Variants in MYCBP2 observed in about 807,000 individuals in gnomAD.
MYCBP2 encodes MYC binding protein 2, also known as E3 ubiquitin-protein ligase MYCBP2.
In MYCBP2, 120 loss-of-function variants were observed where a neutral mutation model predicts 525.3. That is an observed-to-expected ratio of 0.23 (90% CI 0.20 to 0.27). MYCBP2 has a LOEUF of 0.27. MYCBP2 is among the 10% of genes least tolerant of loss of function. The probability of loss-of-function intolerance (pLI) is 1.00; values close to 1 mark genes in which losing one functional copy is unlikely to be tolerated. For missense variants in MYCBP2, 4,149 were observed against 5,657.1 expected, an observed-to-expected ratio of 0.73 and a Z score of 8.55; for synonymous variants, 1,894 against 1,955.8, an observed-to-expected ratio of 0.97 and a Z score of 0.83.
chr13:77,192,657 A>G (rs551874313), intron 27 of MYCBP2, among the ~76,000 whole-genome samples: 2 of 152,332 alleles, frequency 1.3e-5, no homozygotes, highest in South Asian at 4.1e-4. Flanking sequence ...ATGCATTAAG[A>G]CAGCTGTAGA....
intron 3 of MYCBP2, among the ~76,000 whole-genome samples, chr13:77,287,267 C>A (rs1196908814): frequency 6.7e-6 from 1 of 149,188 alleles, no homozygotes; most frequent in African/African-American, 2.5e-5. Flanking sequence ...CTCACTGCAA[C>A]CTCCGCCTCC....
chr13:77,236,868 A>G (rs2068005861), intron 17 of MYCBP2, among the ~76,000 whole-genome samples: 1 of 152,106 alleles, frequency 6.6e-6, no homozygotes, highest in Non-Finnish European at 1.5e-5. Flanking sequence ...TCCTGCCTCT[A>G]CAAAAAATAA....
At chr13:77,295,160 G>C (rs1352759575) in intron 2 of MYCBP2, among the ~76,000 whole-genome samples, 2 of 152,110 alleles carry the variant, frequency 1.3e-5, no homozygotes. Context: ...TTTTGAGACG[G>C]AGTCTTACTC....
chr13:77,326,325 C>T lies in MYCBP2; in HGVS notation c.302+149G>A. 1.4e-6 allele frequency: 1 copy of T among 737,468 alleles called. No homozygotes were observed. Among genetic ancestry groups the T allele is most frequent in the East Asian group, 3.3e-5 (1 of 30,516 alleles). 45.7% of individuals were successfully genotyped at this position (737,468 alleles called of 1,614,324 possible). A position where few individuals can be genotyped will look rare whatever the true frequency, so the allele number is the denominator to read the frequency against. On this transcript the variant is annotated intron_variant, in intron 1 of 82. Coordinates refer to ENST00000544440, the MANE Select transcript of MYCBP2 (RefSeq NM_015057.5). The surrounding 1 kb of genome is among the most constrained non-coding windows in gnomAD (Gnocchi z 4.2). ...CCGCACCCTCCTATCTCGATAAGTGCTCCTGCCAACAGACATCCAGAGCGG... is the reference window on the plus strand; with the variant it reads ...CCGCACCCTCCTATCTCGATAAGTGTTCCTGCCAACAGACATCCAGAGCGG...
At chr13:77,275,221 T>A (rs1180974431) in intron 4 of MYCBP2, among the ~76,000 whole-genome samples, 1 of 152,192 alleles carries the variant, frequency 6.6e-6, no homozygotes, top group African/African-American at 2.4e-5. Context: ...ATAAGGCTAT[T>A]TAAAAAACAA....
chr13:77,202,846 C>A (rs538663709), intron 26 of MYCBP2, among the ~76,000 whole-genome samples: 1 of 152,050 alleles, frequency 6.6e-6, no homozygotes, highest in Non-Finnish European at 1.5e-5. Flanking sequence ...ATTCAACAAC[C>A]CTTCATGCTA....
chr13:77,105,217 C>A (rs1239603984), intron 55 of MYCBP2, among the ~76,000 whole-genome samples: 1 of 151,992 alleles, frequency 6.6e-6, no homozygotes, highest in African/African-American at 2.4e-5. Context: ...AGAATACCAT[C>A]TTAATTGGAA....
At chr13:77,230,026 A>C (rs1013789546) in intron 18 of MYCBP2, among the ~76,000 whole-genome samples, 1 of 152,218 alleles carries the variant, frequency 6.6e-6, no homozygotes. Flanking sequence ...TTTCGAATAT[A>C]GTTTATAGGC....
intron 65 of MYCBP2, among the ~76,000 whole-genome samples, chr13:77,079,933 G>C (rs2043010998): frequency 6.6e-6 from 1 of 152,182 alleles, no homozygotes; most frequent in Non-Finnish European, 1.5e-5. Context: ...TTTTGAAAAT[G>C]AATACTGTTA....
At chr13:77,260,666 TAA>T in intron 12 of MYCBP2, 74 bp from the exon 13 acceptor site, 2 of 1,148,926 alleles carry the variant, frequency 1.7e-6, no homozygotes, top group Admixed American at 3.1e-5. Context: ...TATATAAAGC[TAA>T]AAAAAAAACC....
In MYCBP2 at chr13:77,087,880, A is replaced by G. The variant is rs1594406530; in HGVS notation, c.10726-247T>C. Reference sequence around the variant, plus strand: ...ACTGCAGCCTCAAGCACCCAGGCACAAATGATCCTCCCACCTCAGCCTCCC... The same window carrying G: ...ACTGCAGCCTCAAGCACCCAGGCACGAATGATCCTCCCACCTCAGCCTCCC... On this transcript the variant is annotated intron_variant, in intron 61 of 82. Transcript: ENST00000544440. The G allele has an allele frequency of 1.4e-5, 4 of 292,660 alleles. No homozygotes were observed. The East Asian group carries it at 2.5e-4, about 18-fold the overall frequency. The allele number at this position is 292,660 out of a possible 1,614,324, so 18.1% of individuals were successfully genotyped here.
intron 54 of MYCBP2, among the ~76,000 whole-genome samples, chr13:77,121,702 A>T (rs2050719380): frequency 6.6e-6 from 1 of 152,240 alleles, no homozygotes; most frequent in South Asian, 2.1e-4. Context: ...TCAAATACAC[A>T]GTGAAATTTA....
intron 8 of MYCBP2, 126 bp downstream of exon 8, chr13:77,267,715 A>C: frequency 1.4e-6 from 1 of 724,164 alleles, no homozygotes; most frequent in Non-Finnish European, 2.4e-6. Flanking sequence ...TTGTATGTCA[A>C]GATTTTTAAA....
chr13:77,231,074 C>A (rs904979556), intron 18 of MYCBP2, among the ~76,000 whole-genome samples: 6 of 152,050 alleles, frequency 3.9e-5, no homozygotes, highest in African/African-American at 1.2e-4. Context: ...AAATAGGGTA[C>A]CAATTGATAA....
At chr13:77,200,980 T>C (rs1209907451) in intron 26 of MYCBP2, among the ~76,000 whole-genome samples, 1 of 151,406 alleles carries the variant, frequency 6.6e-6, no homozygotes, top group Non-Finnish European at 1.5e-5. Context: ...AGAAACTGCA[T>C]CAATTAACGA....
chr13:77,209,991 A>G (rs2063782081), intron 23 of MYCBP2, among the ~76,000 whole-genome samples: 1 of 152,136 alleles, frequency 6.6e-6, no homozygotes, highest in South Asian at 2.1e-4. Flanking sequence ...AGACAGAGAA[A>G]AAGTCTCCTC....
intron 13 of MYCBP2, among the ~76,000 whole-genome samples, chr13:77,258,437 A>T (rs1017231852): frequency 6.6e-6 from 1 of 152,104 alleles, no homozygotes; most frequent in East Asian, 1.9e-4. Flanking sequence ...CTCTAAATTG[A>T]TTGAAGCATC....
rs369757801 is a variant in MYCBP2 at position 77,260,581 on chromosome 13, G to A, written c.1864C>T (p.Arg622Trp). The change falls in exon 13 of 83, where the codon CGG becomes TGG. Residue 622 changes from arginine to tryptophan, a missense_variant. Coordinates refer to ENST00000544440, the MANE Select transcript of MYCBP2 (RefSeq NM_015057.5). ...TTAGGTTTATAAGGTTTGGATTGCCGTCTGCTCTTAGCTTTAAAAAAGAAA... is the reference window on the plus strand; with the variant it reads ...TTAGGTTTATAAGGTTTGGATTGCCATCTGCTCTTAGCTTTAAAAAAGAAA... ...GEDGESTKSR[R>W]QSKPYKPKKI... is the part of the protein sequence containing the mutation. 5.0e-6 allele frequency: 8 copies of A among 1,598,692 alleles called. No individual in the cohort carries two copies. Among genetic ancestry groups the A allele is most frequent in the Admixed American group, 1.8e-5 (1 of 56,684 alleles).
Position 77,194,260 on chromosome 13 carries a change from A to T in MYCBP2, c.3844-16T>A, listed in dbSNP as rs376111946. The T allele has an allele frequency of 1.9e-5, 30 of 1,572,594 alleles. No individual in the cohort carries two copies. The African/African-American group carries it at 2.6e-4, about 13-fold the overall frequency. ...ATTCAAACAGCTAAGGAAAGGAGAA[A>T]GACAATCATTTATATAAATCAGCTA... On this transcript the variant is annotated splice_polypyrimidine_tract_variant and intron_variant, in intron 26 of 82. Coordinates refer to ENST00000544440, the MANE Select transcript of MYCBP2 (RefSeq NM_015057.5).
Sources: gnomAD v4.1 joint callset for allele counts (sites outside exome capture counted in the v4.1 genomes callset) on GRCh38, gnomAD v4.1.1 for gene constraint, Gnocchi (gnomAD v3.1) non-coding constraint, MANE v1.5 for transcripts, NCBI Gene and HGNC (gene_info 2026-07-23, HGNC 2026-07-21) for gene names.